The following ASB2 variants were observed in gnomAD, a reference collection of about 807,000 sequenced individuals.
ASB2 encodes ankyrin repeat and SOCS box containing 2.
Under a neutral mutation model 62.4 loss-of-function variants are expected in ASB2, and 58 were observed. That is an observed-to-expected ratio of 0.93 (90% CI 0.75 to 1.16). The LOEUF is 1.16. Among genes scored for constraint, ASB2 ranks in the 50% most tolerant of loss-of-function variants. The pLI is 0.00. For synonymous variants in ASB2, 386 were observed against 385.3 expected, an observed-to-expected ratio of 1.00 and a Z score of -0.02; for missense variants, 928 against 887.9, an observed-to-expected ratio of 1.05 and a Z score of -0.57.
At chr14:93,966,128 G>A (rs1439066045) in intron 1 of ASB2, among the ~76,000 whole-genome samples, 1 of 152,254 alleles carries the variant, frequency 6.6e-6, no homozygotes, top group Non-Finnish European at 1.5e-5. Flanking sequence ...ATGTGAGGAG[G>A]TCAAAGTTCA....
intron 2 of ASB2, among the ~76,000 whole-genome samples, chr14:93,962,193 CA>C (rs1390952552): frequency 3.0e-5 from 3 of 101,466 alleles, no homozygotes; most frequent in Non-Finnish European, 3.9e-5. Context: ...CGGCTCACTG[CA>C]AGCTCCGCCT....
At chr14:93,955,314 C>T in intron 3 of ASB2, 1 of 368,192 alleles carries the variant, frequency 2.7e-6, no homozygotes, top group East Asian at 7.3e-5. Context: ...CCAGCCACTT[C>T]CTCCAGCGTG....
chr14:93,964,103 C>A (rs1218787140), intron 2 of ASB2, among the ~76,000 whole-genome samples: 1 of 152,208 alleles, frequency 6.6e-6, no homozygotes, highest in East Asian at 1.9e-4. Flanking sequence ...ACCCAGAGCC[C>A]ACTGAGAGGG....
At position 93,967,200 on chromosome 14, in the gene ASB2, C is replaced by G. The variant is rs542427789; in HGVS notation, c.-73-2588G>C. Among the ~76,000 whole-genome samples, 13 of 152,248 alleles carry G rather than the reference C, an allele frequency of 8.5e-5. No homozygotes were observed. The South Asian group carries it at 2.7e-3, about 32-fold the overall frequency. On this transcript the variant is annotated intron_variant, in intron 1 of 9. Transcript: ENST00000555019. ...GGTACCTGTGCAGCTGGGTGGAGCC[C>G]CCATCTCCAGCTGGCCCAGGCCTGG...
chr14:93,941,929 CA>C (rs1888541810), intron 7 of ASB2, among the ~76,000 whole-genome samples: 1 of 152,240 alleles, frequency 6.6e-6, no homozygotes, highest in Non-Finnish European at 1.5e-5. Flanking sequence ...TCCCATTTTA[CA>C]CAGAGTAAAC....
intron 3 of ASB2, chr14:93,955,366 T>C (rs1333110424): frequency 2.9e-6 from 1 of 349,984 alleles, no homozygotes; most frequent in Non-Finnish European, 5.6e-6. Context: ...TGGTTATTAA[T>C]GGTGTCAGAG....
At chr14:93,973,584 C>G (rs1453250052) in intron 1 of ASB2, among the ~76,000 whole-genome samples, 1 of 152,208 alleles carries the variant, frequency 6.6e-6, no homozygotes, top group Non-Finnish European at 1.5e-5. Flanking sequence ...GTCAAGCTTC[C>G]AGTTTACTTC....
chr14:93,938,666 C>A (rs1451670866), intron 8 of ASB2, among the ~76,000 whole-genome samples: 1 of 152,156 alleles, frequency 6.6e-6, no homozygotes, highest in African/African-American at 2.4e-5. Flanking sequence ...TGTTTCACAT[C>A]GCATTCCAGG....
chr14:93,955,071 T>C (rs1889130339), intron 3 of ASB2: 1 of 456,644 alleles, frequency 2.2e-6, no homozygotes, highest in African/African-American at 2.0e-5. Context: ...CATTCATTGC[T>C]TCCTTCCTTC....
At chr14:93,943,913 G>T (rs773823753) in intron 7 of ASB2, 1 of 451,892 alleles carries the variant, frequency 2.2e-6, no homozygotes, top group South Asian at 1.6e-5. Context: ...GGCTTGCAAA[G>T]ATTGATAAAA....
intron 1 of ASB2, among the ~76,000 whole-genome samples, chr14:93,970,381 C>G (rs549098981): frequency 1.3e-5 from 2 of 152,182 alleles, no homozygotes; most frequent in East Asian, 3.9e-4. Flanking sequence ...GTCAGCCTAC[C>G]CTGCCCTGAA....
chr14:93,934,960 G>T (rs1888221425), intron 9 of ASB2, among the ~76,000 whole-genome samples, 168 bp from the exon 10 acceptor site: 1 of 152,152 alleles, frequency 6.6e-6, no homozygotes, highest in African/African-American at 2.4e-5. Flanking sequence ...GATCCAGCAA[G>T]CCACCTTCCC....
intron 1 of ASB2, among the ~76,000 whole-genome samples, chr14:93,965,513 C>T (rs1026636156): frequency 6.6e-6 from 1 of 152,130 alleles, no homozygotes; most frequent in African/African-American, 2.4e-5. Flanking sequence ...CTTAAAAATG[C>T]CTCAAAGAGT....
intron 7 of ASB2, 54 bp downstream of exon 7, chr14:93,947,295 T>G: frequency 6.3e-7 from 1 of 1,596,238 alleles, no homozygotes; most frequent in Non-Finnish European, 8.6e-7. Context: ...AATCCCCTAC[T>G]CCCAGTGTGG....
chr14:93,937,556 C>G (rs1888313441), intron 9 of ASB2, 142 bp downstream of exon 9: 1 of 828,826 alleles, frequency 1.2e-6, no homozygotes, highest in Non-Finnish European at 1.8e-6. Flanking sequence ...GAGGCAGATT[C>G]CTCATGTTTC....
At chr14:93,955,035 G>A (rs1378504925) in intron 3 of ASB2, 8 of 456,758 alleles carry the variant, frequency 1.8e-5, no homozygotes. Context: ...GCCGTTCCTT[G>A]CTTGGCTTGT....
intron 4 of ASB2, 60 bp downstream of exon 4, chr14:93,954,257 C>T (rs995364544): frequency 2.0e-5 from 26 of 1,333,068 alleles, no homozygotes; most frequent in Admixed American, 6.9e-5. Flanking sequence ...GCCCCAGGAG[C>T]GGCAGCCCTT....
intron 3 of ASB2, 150 bp downstream of exon 3, chr14:93,956,616 G>T (rs950463615): frequency 9.5e-7 from 1 of 1,057,230 alleles, no homozygotes; most frequent in South Asian, 1.5e-5. Flanking sequence ...GGGGCCCCAG[G>T]GGGGCACCCC....
chr14:93,975,051 AC>A (rs1221945862), intron 1 of ASB2, among the ~76,000 whole-genome samples: 1 of 152,172 alleles, frequency 6.6e-6, no homozygotes, highest in Non-Finnish European at 1.5e-5. Context: ...AGCTGTCAGG[AC>A]CCGTCCAACT....
Sources: gnomAD v4.1 joint callset for allele counts (sites outside exome capture counted in the v4.1 genomes callset) on GRCh38, gnomAD v4.1.1 for gene constraint, MANE v1.5 for transcripts, NCBI Gene and HGNC (gene_info 2026-07-23, HGNC 2026-07-21) for gene names.